Variants in BFSP1 observed in about 807,000 individuals in gnomAD.
BFSP1 encodes filensin.
In BFSP1, 38 loss-of-function variants were observed where a neutral mutation model predicts 43.9. The ratio of observed to expected loss-of-function variants is 0.87; its 90% confidence interval spans 0.67 to 1.14. BFSP1 has a LOEUF of 1.14. Among genes scored for constraint, BFSP1 ranks in the 50% most tolerant of loss-of-function variants. The probability of loss-of-function intolerance (pLI) is 0.00; values close to 1 mark genes in which losing one functional copy is unlikely to be tolerated. For synonymous variants in BFSP1, 352 were observed against 354.8 expected (o/e 0.99, Z 0.09); for missense variants, 850 against 875.1 (o/e 0.97, Z 0.36).
intron 1 of BFSP1, among the ~76,000 whole-genome samples, chr20:17,551,455 C>T (rs1447952529): frequency 6.6e-6 from 1 of 152,194 alleles, no homozygotes; most frequent in East Asian, 1.9e-4. Context: ...TCCCACCAGG[C>T]CCCTCTTCTA....
At chr20:17,504,911 TTTTTG>T (rs1300917999) in intron 5 of BFSP1, among the ~76,000 whole-genome samples, 1 of 35,126 alleles carries the variant, frequency 2.8e-5, no homozygotes. Flanking sequence ...TAAGGTTTTT[TTTTTG>T]TTTTTGTTTT....
chr20:17,547,851 C>T (rs2034828895), intron 1 of BFSP1, among the ~76,000 whole-genome samples: 1 of 150,922 alleles, frequency 6.6e-6, no homozygotes, highest in Admixed American at 6.6e-5. Context: ...CTGCCTCAGC[C>T]TCTCAAGTAG....
intron 1 of BFSP1, chr20:17,541,144 C>G: frequency 5.8e-6 from 3 of 512,840 alleles, no homozygotes; most frequent in Non-Finnish European, 7.5e-6. Flanking sequence ...GAGCAATGAT[C>G]ATTCCTGTGA....
At chr20:17,537,354 T>G (rs1321943418) in intron 1 of BFSP1, among the ~76,000 whole-genome samples, 1 of 152,104 alleles carries the variant, frequency 6.6e-6, no homozygotes, top group Admixed American at 6.5e-5. Context: ...CCGTGAAGTA[T>G]GCTCAGTGCT....
chr20:17,494,090 C>A lies in BFSP1; in HGVS notation c.1982G>T (p.Gly661Val). ...CTGGGCATTTTAAGAGCTCTTCTCT[C>A]CTGATTTCTTCTTGTCTGACTTTGT... ...GKTKSDKKKSGEKSS is the reference protein window; with the variant it reads ...GKTKSDKKKSVEKSS Residue 661 changes from glycine (G) to valine (V), a missense_variant, in exon 8 of 8, where the codon GGA becomes GTA. Gly to Val is a moderately radical substitution (Grantham distance 109). Coordinates refer to ENST00000377873, the MANE Select transcript of BFSP1 (RefSeq NM_001195.5). 6.2e-7 allele frequency: 1 copy of A among 1,613,134 alleles called. No homozygotes were observed. Among genetic ancestry groups the A allele is most frequent in the Non-Finnish European group, 8.5e-7 (1 of 1,179,460 alleles).
intron 1 of BFSP1, among the ~76,000 whole-genome samples, chr20:17,526,557 G>C (rs192740398): frequency 3.3e-5 from 5 of 152,068 alleles, no homozygotes; most frequent in Non-Finnish European, 5.9e-5. Context: ...TTTTGTTTAC[G>C]TATTCCTTTG....
chr20:17,550,462 CTTTT>C (rs66786068), intron 1 of BFSP1, among the ~76,000 whole-genome samples: 1,475 of 131,860 alleles, frequency 0.011, 15 homozygotes, highest in African/African-American at 0.037. Flanking sequence ...GACTATAATC[CTTTT>C]TTTTTTTTTT....
intron 6 of BFSP1, among the ~76,000 whole-genome samples, chr20:17,497,530 G>A (rs1226169043): frequency 7.3e-5 from 10 of 137,304 alleles, no homozygotes; most frequent in South Asian, 2.3e-4. Context: ...ATACACACAC[G>A]TATGTATATA....
intron 5 of BFSP1, among the ~76,000 whole-genome samples, chr20:17,501,228 T>C (rs1241360379): frequency 6.6e-6 from 1 of 152,224 alleles, no homozygotes; most frequent in Non-Finnish European, 1.5e-5. Context: ...CTTTATGCCC[T>C]TGGATCATGA....
In BFSP1 at chr20:17,498,441, C is replaced by T. The variant is rs182483902; in HGVS notation, c.956+379G>A. On this transcript the variant is annotated intron_variant, in intron 6 of 7. Transcript: ENST00000377873. ...CCCTCAAGTGCCAGGCTCCGTGCCA[C>T]GTAGCTCACCTGCAGCACCTCATTA... Among the ~76,000 whole-genome samples the T allele has an allele frequency of 5.3e-5, 8 of 152,322 alleles. No homozygotes were observed. The East Asian group carries it at 7.7e-4, about 15-fold the overall frequency.
chr20:17,568,725 G>T (rs559675511), intron 1 of BFSP1, among the ~76,000 whole-genome samples: 2 of 152,180 alleles, frequency 1.3e-5, no homozygotes, highest in African/African-American at 4.8e-5. Context: ...TAAAAAGAAC[G>T]AGGGTAATGA....
At position 17,508,941 on chromosome 20, in the gene BFSP1, C is replaced by A. The variant is rs1390952582; in HGVS notation, c.683G>T (p.Gly228Val). ...CTGCAGGTGGGAGAGCACCTCCCGG[C>A]CCTCCTCCAGCTGACTCCGCAGGGC... ...VAALRSQLEE[G>V]REVLSHLQAQ... The change falls in exon 5 of 8, where the codon GGC becomes GTC. Residue 228 changes from glycine to valine, a missense_variant. Coordinates refer to ENST00000377873, the MANE Select transcript of BFSP1 (RefSeq NM_001195.5). The A allele has an allele frequency of 1.1e-5, 18 of 1,605,096 alleles. No homozygotes were observed. Among genetic ancestry groups the A allele is most frequent in the Non-Finnish European group, 1.5e-5 (18 of 1,176,568 alleles).
intron 1 of BFSP1, among the ~76,000 whole-genome samples, chr20:17,529,031 T>A (rs184007174): frequency 2.0e-3 from 309 of 151,854 alleles, no homozygotes; most frequent in Non-Finnish European, 3.7e-3. Context: ...TTTATGTAAT[T>A]TTAAATGGAT....
chr20:17,495,729 AG>A (rs1038082942), intron 7 of BFSP1, among the ~76,000 whole-genome samples: 6 of 152,246 alleles, frequency 3.9e-5, no homozygotes, highest in African/African-American at 1.4e-4. Context: ...TAAAAGTTGA[AG>A]AAAACACATA....
upstream of BFSP1, among the ~76,000 whole-genome samples, chr20:17,535,799 AC>A (rs2034619145): frequency 6.6e-6 from 1 of 152,222 alleles, no homozygotes; most frequent in African/African-American, 2.4e-5. Context: ...AATAAATATT[AC>A]TTGCTTTATG....
chr20:17,513,238 C>T (rs2034128392), intron 3 of BFSP1, among the ~76,000 whole-genome samples: 1 of 152,172 alleles, frequency 6.6e-6, no homozygotes, highest in Non-Finnish European at 1.5e-5. Context: ...CCCTTTTCCT[C>T]CCCTTCTCAG....
intron 1 of BFSP1, among the ~76,000 whole-genome samples, chr20:17,543,545 ACTT>A (rs2034753292): frequency 2.6e-5 from 4 of 152,110 alleles, no homozygotes; most frequent in African/African-American, 4.8e-5. Flanking sequence ...ACATTATTGA[ACTT>A]CTTCATGTGG....
chr20:17,535,465 A>G (rs1489079073), upstream of BFSP1, among the ~76,000 whole-genome samples: 2 of 152,224 alleles, frequency 1.3e-5, no homozygotes, highest in Non-Finnish European at 2.9e-5. Flanking sequence ...CAGGAGGCAG[A>G]GGTTGCAGTG....
intron 2 of BFSP1, among the ~76,000 whole-genome samples, chr20:17,522,269 A>AG (rs1251628786): frequency 6.6e-6 from 1 of 152,194 alleles, no homozygotes; most frequent in African/African-American, 2.4e-5. Flanking sequence ...CTCTGAAGTC[A>AG]TTTAACCTCA....
Sources: gnomAD v4.1 joint callset for allele counts (sites outside exome capture counted in the v4.1 genomes callset) on GRCh38, gnomAD v4.1.1 for gene constraint, MANE v1.5 for transcripts, NCBI Gene and HGNC (gene_info 2026-07-23, HGNC 2026-07-21) for gene names.